Variants in R3HDM2 observed in about 807,000 individuals in gnomAD.
R3HDM2 encodes R3H domain containing 2.
In R3HDM2, 38 loss-of-function variants were observed where a neutral mutation model predicts 124.5. That is an observed-to-expected ratio of 0.31 (90% CI 0.24 to 0.40). The LOEUF (loss-of-function observed/expected upper bound fraction) is 0.40, where lower values mean the gene tolerates loss of function less well. Ranked by LOEUF, R3HDM2 falls within the 10% of genes least tolerant of loss-of-function variation. The pLI, the probability that R3HDM2 is intolerant of heterozygous loss-of-function variation, is 1.00. For synonymous variants in R3HDM2, 391 were observed against 448.0 expected (o/e 0.87, Z 1.61); for missense variants, 869 against 1,236.9 (o/e 0.70, Z 4.46).
At chr12:57,277,367 T>C (rs970245250) in intron 14 of R3HDM2, among the ~76,000 whole-genome samples, 2 of 152,086 alleles carry the variant, frequency 1.3e-5, no homozygotes, top group African/African-American at 4.8e-5. Context: ...GATCATAGTT[T>C]AGTCAGTACT....
intron 1 of R3HDM2, among the ~76,000 whole-genome samples, chr12:57,410,418 T>A (rs548004616): frequency 4.3e-4 from 65 of 151,492 alleles, no homozygotes; most frequent in African/African-American, 1.6e-3. Flanking sequence ...TAAACTCTAG[T>A]CTGAATTCAA....
Position 57,295,479 on chromosome 12 carries a change from T to G in R3HDM2, c.730A>C (p.Lys244Gln). The change falls in exon 10 of 24, where the codon AAG (lysine) becomes CAG (glutamine). Residue 244 changes from lysine (K) to glutamine (Q), a missense_variant. This residue lies in a region of R3HDM2 where 267 missense variants were observed against 447.7 expected (regional missense o/e 0.60). Transcript: ENST00000402412. The stretch of plus-strand genomic sequence containing the variant: ...TGAAATTCTGTATTCTTCTCATCCT[T>G]TATATGTTCTGAGAACCTCTGTTCA... ...IPEQRFSEHI[K>Q]DEKNTEFQQR... The G allele has an allele frequency of 6.4e-7, 1 of 1,551,576 alleles. No homozygotes were observed.
chr12:57,363,875 A>G (rs749606975), intron 2 of R3HDM2, among the ~76,000 whole-genome samples: 31 of 151,968 alleles, frequency 2.0e-4, no homozygotes, highest in Admixed American at 6.6e-4. Context: ...CTTAAAAAAA[A>G]AAAAGGCAAA....
At chr12:57,297,051 CA>C (rs1232243471) in intron 8 of R3HDM2, 60 of 306,524 alleles carry the variant, frequency 2.0e-4, no homozygotes, top group Middle Eastern at 9.3e-4. Flanking sequence ...AAGACTGTCT[CA>C]AAAAAAAGAC....
At position 57,258,156 on chromosome 12, in the gene R3HDM2, C is replaced by T. The variant is rs202200512; in HGVS notation, c.2302-19G>A. The stretch of plus-strand genomic sequence containing the variant: ...TGTTGGCCTGTGGAAAAGAGGAGCA[C>T]ACGTCACATAAACATCAAACATTAC... On this transcript the variant is annotated intron_variant, in intron 20 of 23. Coordinates refer to ENST00000402412, the MANE Select transcript of R3HDM2 (RefSeq NM_001394031.1). The T allele has an allele frequency of 3.6e-5, 54 of 1,506,652 alleles. 2 individuals are homozygous for T. The Middle Eastern group carries it at 5.2e-4, about 14-fold the overall frequency. The allele number at this position is 1,506,652 out of a possible 1,614,324, so 93.3% of individuals were successfully genotyped here. A position where few individuals can be genotyped will look rare whatever the true frequency, so the allele number is the denominator to read the frequency against.
intron 2 of R3HDM2, among the ~76,000 whole-genome samples, chr12:57,349,379 CAAAAAAAAAA>C (rs1161831845): frequency 0.5 from 28,817 of 57,748 alleles, 3,723 homozygotes; most frequent in Middle Eastern, 0.69. Context: ...ACTCCGTCTC[CAAAAAAAAAA>C]AAAAAAAAAA....
At chr12:57,377,398 T>C (rs2138188071) in intron 2 of R3HDM2, among the ~76,000 whole-genome samples, 1 of 152,208 alleles carries the variant, frequency 6.6e-6, no homozygotes. Context: ...TGCCACCACA[T>C]GCTTCATATT....
chr12:57,368,742 G>A (rs941722142), intron 2 of R3HDM2, among the ~76,000 whole-genome samples: 5 of 152,128 alleles, frequency 3.3e-5, no homozygotes, highest in Non-Finnish European at 7.4e-5. Flanking sequence ...CCTGGACTTT[G>A]CCCATATATC....
intron 2 of R3HDM2, among the ~76,000 whole-genome samples, chr12:57,340,291 C>T (rs2059399536): frequency 6.6e-6 from 1 of 152,204 alleles, no homozygotes; most frequent in East Asian, 1.9e-4. Context: ...TCAGAGCAGT[C>T]TCCCAGCAAC....
At chr12:57,419,498 G>C (rs1313570088) in intron 1 of R3HDM2, among the ~76,000 whole-genome samples, 1 of 151,442 alleles carries the variant, frequency 6.6e-6, no homozygotes, top group East Asian at 1.9e-4. Flanking sequence ...CTGGGGTACA[G>C]TGGTGCAATC....
chr12:57,419,032 C>T (rs1381481982), intron 1 of R3HDM2, among the ~76,000 whole-genome samples: 1 of 152,080 alleles, frequency 6.6e-6, no homozygotes, highest in Admixed American at 6.6e-5. Context: ...TCTCATATGC[C>T]AAATTTCTTA....
intron 1 of R3HDM2, among the ~76,000 whole-genome samples, chr12:57,419,750 T>C (rs1300479052): frequency 1.3e-5 from 2 of 151,986 alleles, no homozygotes; most frequent in East Asian, 3.9e-4. Context: ...CCTCATACCA[T>C]ATTCTTTAAT....
At chr12:57,383,489 G>C (rs1345906336) in intron 2 of R3HDM2, among the ~76,000 whole-genome samples, 1 of 151,800 alleles carries the variant, frequency 6.6e-6, no homozygotes, top group African/African-American at 2.4e-5. Context: ...GATCACCTGA[G>C]GTCAGGAGTT....
At position 57,355,456 on chromosome 12, in the gene R3HDM2, CAAAAAAAA is replaced by C. The variant is rs1275868390; in HGVS notation, c.-36+40285_-36+40292del. ...CCTGGGCAACAGAGCGAGACTGTCTCAAAAAAAAAAAAAAAAGAAAGAAAAAAAAAAGA... is the reference window on the plus strand; with the variant it reads ...CCTGGGCAACAGAGCGAGACTGTCTCAAAAAAAAGAAAGAAAAAAAAAAGA... On this transcript the variant is annotated intron_variant, in intron 2 of 23. Transcript: ENST00000402412. 4.4e-3 allele frequency among the ~76,000 whole-genome samples: 224 copies of C among 51,186 alleles called. 1 individual carries two copies. Among genetic ancestry groups the C allele is most frequent in the African/African-American group, 0.015 (215 of 13,928 alleles). The allele number at this position is 51,186 out of a possible 152,430, so 33.6% of individuals were successfully genotyped here.
At position 57,334,514 on chromosome 12, in the gene R3HDM2, C is replaced by T. The variant is rs549714741; in HGVS notation, c.-35-24051G>A. Among the ~76,000 whole-genome samples, 7 of 151,616 alleles carry T rather than the reference C, an allele frequency of 4.6e-5. No individual in the cohort carries two copies. In the South Asian group the frequency reaches 1.3e-3, roughly 27 times the overall value. On this transcript the variant is annotated intron_variant, in intron 2 of 23. Transcript: ENST00000402412. ...TGAAATAAAGCATTTTCCATAGAAA[C>T]TGCTGCAAAAACTGTCAGAGAATAG...
chr12:57,414,568 C>G (rs1021872372), intron 1 of R3HDM2, among the ~76,000 whole-genome samples: 2 of 145,438 alleles, frequency 1.4e-5, no homozygotes, highest in African/African-American at 5.1e-5. Context: ...CGGTGTCTCA[C>G]GCCTATAATC....
At chr12:57,306,320 C>A (rs2052558441) in intron 3 of R3HDM2, among the ~76,000 whole-genome samples, 1 of 152,144 alleles carries the variant, frequency 6.6e-6, no homozygotes, top group Non-Finnish European at 1.5e-5. Flanking sequence ...CTTTATTTCA[C>A]AACCACCTTT....
intron 2 of R3HDM2, among the ~76,000 whole-genome samples, chr12:57,350,583 T>C (rs1331566385): frequency 6.6e-6 from 1 of 151,920 alleles, no homozygotes; most frequent in East Asian, 1.9e-4. Context: ...CAGAGAGCTA[T>C]GATTGTACCA....
intron 2 of R3HDM2, among the ~76,000 whole-genome samples, chr12:57,360,838 G>A (rs952155201): frequency 1.3e-5 from 2 of 151,624 alleles, no homozygotes; most frequent in Non-Finnish European, 2.9e-5. Flanking sequence ...GGCGGGTCAT[G>A]AGGTCAGATC....
Sources: allele counts gnomAD v4.1 joint callset (sites outside exome capture counted in the v4.1 genomes callset), GRCh38; gene constraint gnomAD v4.1.1; regional missense constraint gnomAD v4.1.1; transcripts MANE v1.5; gene names NCBI Gene and HGNC (gene_info 2026-07-23, HGNC 2026-07-21).